ILKAP: variants seen among roughly 807,000 people sequenced by gnomAD.
The protein encoded by ILKAP is integrin-linked kinase-associated serine/threonine phosphatase 2C.
A neutral mutation model predicts 49.1 loss-of-function variants in ILKAP; 11 were observed. The ratio of observed to expected loss-of-function variants is 0.22; its 90% CI spans 0.14 to 0.37. The LOEUF is 0.37. Among genes scored for constraint, ILKAP ranks in the 10% least tolerant of loss-of-function variants. The pLI, the probability that ILKAP is intolerant of heterozygous loss-of-function variation, is 1.00. For missense variants in ILKAP, 363 were observed against 510.8 expected, an observed-to-expected ratio of 0.71 and a Z score of 2.79; for synonymous variants, 186 against 192.8, an observed-to-expected ratio of 0.96 and a Z score of 0.29.
chr2:238,197,696 G>C (rs1190051576), intron 1 of ILKAP, among the ~76,000 whole-genome samples: 2 of 152,136 alleles, frequency 1.3e-5, no homozygotes, highest in Non-Finnish European at 2.9e-5. Flanking sequence ...CCCATCCCCA[G>C]AGAACTGCCT....
chr2:238,181,974 A>C, intron 9 of ILKAP, 91 bp downstream of exon 9: 1 of 1,386,920 alleles, frequency 7.2e-7, no homozygotes, highest in South Asian at 1.3e-5. Context: ...AAGACTACGT[A>C]ACAGGGGAAG....
At chr2:238,182,679 C>T (rs922011985) in intron 8 of ILKAP, among the ~76,000 whole-genome samples, 4 of 152,336 alleles carry the variant, frequency 2.6e-5, no homozygotes, top group African/African-American at 9.6e-5. Context: ...CAGGAAGACA[C>T]TGAGGCACGA....
chr2:238,175,373 C>T (rs1173157428), intron 9 of ILKAP, among the ~76,000 whole-genome samples: 12 of 152,134 alleles, frequency 7.9e-5, no homozygotes, highest in Admixed American at 5.9e-4. Flanking sequence ...AGATTACAGG[C>T]GTAATGTGGC....
chr2:238,183,667 G>C lies in ILKAP; in HGVS notation c.700C>G (p.Leu234Val). ...AVDNILYIANLGDSRAILCRY... is the reference protein window; with the variant it reads ...AVDNILYIANVGDSRAILCRY... ...GAGCCACATACCCGACTATCTCCGA[G>C]GTTGGCAATATAAAGAATGTTGTCT... The change falls in exon 8 of 12, where the codon CTC becomes GTC. Residue 234 changes from leucine (L) to valine (V), a missense_variant. By Grantham distance (32) the Leu-to-Val change is conservative. This residue lies in a region of ILKAP where 166 missense variants were observed against 307.3 expected (regional missense o/e 0.54). Coordinates refer to ENST00000254654, the MANE Select transcript of ILKAP (RefSeq NM_030768.3). 6.2e-7 allele frequency: 1 copy of C among 1,612,492 alleles called. No individual in the cohort carries two copies. Among genetic ancestry groups the C allele is most frequent in the Non-Finnish European group, 8.5e-7 (1 of 1,179,374 alleles).
At chr2:238,173,686 C>T in intron 9 of ILKAP, 33 bp from the exon 10 acceptor site, 4 of 1,607,692 alleles carry the variant, frequency 2.5e-6, no homozygotes, top group Non-Finnish European at 3.4e-6. Flanking sequence ...TCAGACTCTA[C>T]CTGACAGATT....
intron 10 of ILKAP, among the ~76,000 whole-genome samples, chr2:238,172,572 C>T (rs1483475329): frequency 6.6e-6 from 1 of 152,184 alleles, no homozygotes; most frequent in Non-Finnish European, 1.5e-5. Context: ...CCAGAGGCGG[C>T]GGCTGCTGGA....
At chr2:238,197,216 T>C (rs1694379703) in intron 1 of ILKAP, among the ~76,000 whole-genome samples, 1 of 152,152 alleles carries the variant, frequency 6.6e-6, no homozygotes. Context: ...AAAAAGTATT[T>C]AGGATAACCA....
At chr2:238,201,117 T>C (rs1559303689) in intron 1 of ILKAP, among the ~76,000 whole-genome samples, 1 of 152,270 alleles carries the variant, frequency 6.6e-6, no homozygotes, top group Non-Finnish European at 1.5e-5. Flanking sequence ...GTGAGGGTCA[T>C]GATGCACAGT....
rs1388413763 is a variant in ILKAP, at chr2:238,171,172, T to C, written c.957-148A>G. 5.0e-6 allele frequency: 3 copies of C among 598,196 alleles called. No individual in the cohort carries two copies. The African/African-American group carries it at 5.7e-5, about 11-fold the overall frequency. The allele number at this position is 598,196 out of a possible 1,614,324, so 37.1% of individuals were successfully genotyped here. ...TTTTTTCTTTTTTCTTTTTTTTTTT[T>C]TTTTGAGATGGAGTTTCACTCTTGT... is the stretch of plus-strand genomic sequence containing the variant. On this transcript the variant is annotated intron_variant, in intron 10 of 11. Transcript: ENST00000254654.
intron 9 of ILKAP, among the ~76,000 whole-genome samples, chr2:238,175,505 G>T (rs561561394): frequency 6.6e-6 from 1 of 152,296 alleles, no homozygotes; most frequent in East Asian, 1.9e-4. Context: ...GTTTGGTAAC[G>T]ATGAGGCAAG....
At chr2:238,202,844 G>T (rs897432329) in intron 1 of ILKAP, among the ~76,000 whole-genome samples, 4 of 150,834 alleles carry the variant, frequency 2.7e-5, no homozygotes, top group Non-Finnish European at 5.9e-5. Flanking sequence ...GGAGATGAGC[G>T]GACCCCTTAA....
intron 1 of ILKAP, among the ~76,000 whole-genome samples, chr2:238,199,874 C>A (rs1559303015): frequency 6.6e-6 from 1 of 152,026 alleles, no homozygotes; most frequent in South Asian, 2.1e-4. Context: ...CTTGTTCCCC[C>A]AAAGCGCTGG....
rs146683538 is a variant in ILKAP, at chr2:238,186,133, T to C, written c.426-846A>G. 1.1e-3 allele frequency: 164 copies of C among 152,346 alleles called. 1 individual carries two copies. The highest frequency in any genetic ancestry group is 3.9e-3 in the African/African-American group (162 of 41,572). The allele number at this position is 152,346 out of a possible 1,614,324, so 9.4% of individuals were successfully genotyped here. On this transcript the variant is annotated intron_variant, in intron 5 of 11. Coordinates refer to ENST00000254654, the MANE Select transcript of ILKAP (RefSeq NM_030768.3). The stretch of plus-strand genomic sequence containing the variant: ...ACAGAAATGCATTGTTAGGTGACTT[T>C]GTTGTGTGAACATCATAGAACATAT...
intron 1 of ILKAP, among the ~76,000 whole-genome samples, chr2:238,197,310 A>G (rs1008719678): frequency 1.3e-5 from 2 of 152,202 alleles, no homozygotes; most frequent in African/African-American, 4.8e-5. Context: ...TCTAACAATC[A>G]CAACGCCCGT....
intron 1 of ILKAP, among the ~76,000 whole-genome samples, chr2:238,195,472 G>C (rs1177270157): frequency 6.6e-6 from 1 of 152,168 alleles, no homozygotes; most frequent in Non-Finnish European, 1.5e-5. Context: ...TCAGGAGAAA[G>C]TCACGAAACT....
intron 10 of ILKAP, 21 bp from the exon 11 acceptor site, chr2:238,171,045 A>G (rs1693194180): frequency 6.3e-7 from 1 of 1,594,532 alleles, no homozygotes; most frequent in South Asian, 1.1e-5. Context: ...AGGGAGAAAT[A>G]TAAACGGGTT....
In ILKAP at chr2:238,182,109, C is replaced by T. The variant is rs1693718893; in HGVS notation, c.792G>A (p.Gln264=). 1.2e-6 allele frequency: 2 copies of T among 1,613,916 alleles called. No homozygotes were observed. The highest frequency in any genetic ancestry group is 4.5e-5 in the East Asian group (2 of 44,870). The part of the protein sequence containing the change: ...LSLSKEHNPT[Q]YEERMRIQKA... ...TCTGTATCCTCATCCGCTCTTCATACTGAGTTGGATTATGCTCTTTGCTGA... is the reference window on the plus strand; with the variant it reads ...TCTGTATCCTCATCCGCTCTTCATATTGAGTTGGATTATGCTCTTTGCTGA... The change falls in exon 9 of 12, where the codon CAG becomes CAA. Residue 264 remains glutamine (Q), a synonymous_variant. Transcript: ENST00000254654.
At chr2:238,200,067 C>T (rs1694506283) in intron 1 of ILKAP, among the ~76,000 whole-genome samples, 1 of 152,188 alleles carries the variant, frequency 6.6e-6, no homozygotes, top group Non-Finnish European at 1.5e-5. Flanking sequence ...ACTGGCGAAG[C>T]AATTTTAAAC....
At position 238,184,049 on chromosome 2, in the gene ILKAP, A is replaced by G. The variant is rs1256051166; in HGVS notation, c.597T>C (p.Asp199=). Residue 199 remains aspartate, a synonymous_variant, in exon 7 of 12, where the codon GAT becomes GAC. Transcript: ENST00000254654. ...TGGAAGCTTGTTTAAGGAACTCTTC[A>G]TCAGTATGCTTGAAAGTGTCCAAAA... ...RCLLDTFKHT[D]EEFLKQASSQ... 1.2e-6 allele frequency: 2 copies of G among 1,610,410 alleles called. No individual in the cohort carries two copies. Among genetic ancestry groups the G allele is most frequent in the Non-Finnish European group, 1.7e-6 (2 of 1,176,572 alleles).
Sources: allele counts gnomAD v4.1 joint callset (sites outside exome capture counted in the v4.1 genomes callset), GRCh38; gene constraint gnomAD v4.1.1; regional missense constraint gnomAD v4.1.1; transcripts MANE v1.5; gene names NCBI Gene and HGNC (gene_info 2026-07-23, HGNC 2026-07-21).